The following TPTE2 variants were observed in gnomAD, a reference collection of about 807,000 sequenced individuals.
TPTE2 encodes transmembrane phosphoinositide 3-phosphatase and tensin homolog 2.
A neutral mutation model predicts 78.6 loss-of-function variants in TPTE2; 53 were observed. That is an observed-to-expected ratio of 0.67 (90% CI 0.54 to 0.85). TPTE2 has a LOEUF of 0.85. TPTE2 is among the 40% of genes least tolerant of loss of function. TPTE2 has a pLI of 0.00. For synonymous variants in TPTE2, 175 were observed against 206.2 expected, an observed-to-expected ratio of 0.85 and a Z score of 1.30; for missense variants, 461 against 623.0, an observed-to-expected ratio of 0.74 and a Z score of 2.77.
At chr13:19,546,383 G>A in the TPTE2 span, among the ~76,000 whole-genome samples, 2 of 151,378 alleles carry the variant, frequency 1.3e-5, no homozygotes, top group African/African-American at 4.9e-5. Context: ...AGTAGCTCAC[G>A]CCTGTAATCC....
intron 1 of TPTE2, among the ~76,000 whole-genome samples, chr13:19,522,506 TA>T (rs1376815928): frequency 2.0e-5 from 3 of 152,118 alleles, no homozygotes; most frequent in African/African-American, 4.8e-5. Context: ...GAAAAGACAT[TA>T]AATTTGTAGG....
intron 18 of TPTE2, chr13:19,425,883 T>C (rs1876020332): frequency 1.9e-6 from 1 of 516,014 alleles, no homozygotes; most frequent in South Asian, 1.4e-5. Context: ...TGTATTGTGC[T>C]GCCTTCTCTG....
intron 10 of TPTE2, among the ~76,000 whole-genome samples, chr13:19,461,678 C>T (rs1232659130): frequency 6.6e-6 from 1 of 152,106 alleles, no homozygotes; most frequent in Non-Finnish European, 1.5e-5. Flanking sequence ...TATCTGAGTG[C>T]TCTAGTGTTG....
chr13:19,428,150 T>C (rs1158941769), intron 17 of TPTE2, among the ~76,000 whole-genome samples: 2 of 151,914 alleles, frequency 1.3e-5, no homozygotes, highest in African/African-American at 4.8e-5. Flanking sequence ...TAACACAAAG[T>C]AGAAATTAGA....
At chr13:19,426,450 T>A (rs1876080167) in exon 18 of TPTE2, 1 of 1,606,680 alleles carries the variant, frequency 6.2e-7, no homozygotes, top group Non-Finnish European at 8.5e-7. Context: ...CACTTTCACA[T>A]CATCATACAG....
chr13:19,478,829 C>T (rs1214987371), intron 4 of TPTE2, among the ~76,000 whole-genome samples: 1 of 152,020 alleles, frequency 6.6e-6, no homozygotes, highest in Non-Finnish European at 1.5e-5. Context: ...ACTATGCAGC[C>T]ATAAAAAAGG....
At chr13:19,459,182 T>C (rs2497243) in intron 10 of TPTE2, among the ~76,000 whole-genome samples, 28,633 of 152,102 alleles carry the variant, frequency 0.19, 3,769 homozygotes, top group African/African-American at 0.37. Context: ...GATGTTGAGA[T>C]TTTTTTTCAT....
chr13:19,431,833 G>A (rs2137475621), intron 16 of TPTE2, among the ~76,000 whole-genome samples: 1 of 133,764 alleles, frequency 7.5e-6, no homozygotes. Context: ...CCACAAGCTG[G>A]CTGCTAGAAG....
At chr13:19,483,697 C>G (rs1566059903) in intron 3 of TPTE2, among the ~76,000 whole-genome samples, 1 of 151,966 alleles carries the variant, frequency 6.6e-6, no homozygotes, top group Non-Finnish European at 1.5e-5. Context: ...TCTTACTATT[C>G]TAGTTTCTTG....
At chr13:19,542,811 C>T in the TPTE2 span, among the ~76,000 whole-genome samples, 1 of 151,972 alleles carries the variant, frequency 6.6e-6, no homozygotes. Flanking sequence ...CTGGGCAACA[C>T]GGTGAGACCC....
chr13:19,514,451 T>C lies in TPTE2; in HGVS notation c.-43-11174A>G, dbSNP rs148078726. ...ACTCTACCAAAGAGTAAAAAGCCCA[T>C]ACAAAAAATAAAGTCAGATATTTTG... On this transcript the variant is annotated intron_variant, in intron 1 of 17. Coordinates refer to the TPTE2 transcript ENST00000390680. Among the ~76,000 whole-genome samples, 24 of 152,208 alleles carry C rather than the reference T, an allele frequency of 1.6e-4. No individual in the cohort carries two copies. The East Asian group carries it at 4.4e-3, about 28-fold the overall frequency.
intron 10 of TPTE2, among the ~76,000 whole-genome samples, chr13:19,460,241 T>C (rs1273790606): frequency 2.6e-5 from 4 of 152,202 alleles, no homozygotes; most frequent in Non-Finnish European, 5.9e-5. Flanking sequence ...CAAAGATCCA[T>C]GAGAGAAGCA....
At chr13:19,437,038 GACACACAC>G (rs376691875) in intron 14 of TPTE2, among the ~76,000 whole-genome samples, 1 of 145,904 alleles carries the variant, frequency 6.9e-6, no homozygotes, top group Admixed American at 6.9e-5. Context: ...AAACCTAGGA[GACACACAC>G]ACACACACAC....
chr13:19,479,609 T>C (rs562490063), intron 4 of TPTE2, among the ~76,000 whole-genome samples: 56 of 152,278 alleles, frequency 3.7e-4, no homozygotes, highest in African/African-American at 1.3e-3. Flanking sequence ...TACTCTCAGA[T>C]AACTTTGAAA....
At chr13:19,474,072 T>G (rs769026580) in exon 6 of TPTE2, 7 of 1,532,010 alleles carry the variant, frequency 4.6e-6, no homozygotes, top group Non-Finnish European at 5.3e-6. Flanking sequence ...AAACTCCAAA[T>G]ATTCTAAAAT....
chr13:19,445,390 C>T (rs1484904260), intron 13 of TPTE2, among the ~76,000 whole-genome samples: 2 of 141,532 alleles, frequency 1.4e-5, no homozygotes, highest in African/African-American at 5.3e-5. Flanking sequence ...TGCAAATGAT[C>T]ACCACCATAA....
intron 1 of TPTE2, among the ~76,000 whole-genome samples, chr13:19,510,433 G>A (rs2932162): frequency 0.94 from 141,527 of 150,334 alleles, 66,993 homozygotes; most frequent in East Asian, 1. Context: ...GGTGGGGGAA[G>A]CCACTGGTCT....
At chr13:19,553,664 C>T in the TPTE2 span, among the ~76,000 whole-genome samples, 1 of 152,188 alleles carries the variant, frequency 6.6e-6, no homozygotes, top group African/African-American at 2.4e-5. Flanking sequence ...AATCTCAAAT[C>T]ATTATGCTGA....
chr13:19,561,104 TC>T, the TPTE2 span: 3 of 1,604,794 alleles, frequency 1.9e-6, no homozygotes, highest in South Asian at 3.3e-5. Flanking sequence ...ATCCTCCTCT[TC>T]CTTGTGGCCT....
Sources: allele counts gnomAD v4.1 joint callset (sites outside exome capture counted in the v4.1 genomes callset), GRCh38; gene constraint gnomAD v4.1.1; transcripts MANE v1.5; gene names NCBI Gene and HGNC (gene_info 2026-07-23, HGNC 2026-07-21).